Variants in PLVAP observed in about 807,000 individuals in gnomAD.
PLVAP encodes plasmalemma vesicle-associated protein.
PLVAP carries 34 observed loss-of-function variants against 43.1 expected under a neutral mutation model. The observed-to-expected ratio is 0.79, with a 90% CI of 0.60 to 1.05. PLVAP has a LOEUF of 1.05. Among genes scored for constraint, PLVAP ranks in the 50% least tolerant of loss-of-function variants. The pLI, the probability that PLVAP is intolerant of heterozygous loss-of-function variation, is 0.00. For missense variants in PLVAP, 574 were observed against 593.4 expected (o/e 0.97, Z 0.34); for synonymous variants, 241 against 237.3 (o/e 1.02, Z -0.14).
chr19:17,365,984 G>T lies in PLVAP; in HGVS notation c.481C>A (p.Leu161Met), dbSNP rs1195334907. The change falls in exon 3 of 6, where the codon CTG becomes ATG. Residue 161 changes from leucine to methionine, a missense_variant. Transcript: ENST00000252590. ...TCCAGCGTCTTCACCTTCTGATTCA[G>T]CATGAAGAGCAAGGCTAAGGAAAAC... ...NKSCDALLFM[L>M]NQKVKTLEVE... 1.2e-6 allele frequency: 2 copies of T among 1,613,158 alleles called. No homozygotes were observed. The highest frequency in any genetic ancestry group is 1.7e-6 in the Non-Finnish European group (2 of 1,179,252).
intron 1 of PLVAP, among the ~76,000 whole-genome samples, chr19:17,371,335 T>C (rs2074571326): frequency 6.6e-6 from 1 of 151,240 alleles, no homozygotes; most frequent in Admixed American, 6.6e-5. Context: ...CTAATTTTTG[T>C]ATTTTAGTAG....
intron 3 of PLVAP, 25 bp downstream of exon 3, chr19:17,365,261 C>T (rs1292812290): frequency 1.9e-6 from 3 of 1,583,582 alleles, no homozygotes; most frequent in Non-Finnish European, 2.6e-6. Context: ...CCACTGCAGC[C>T]TCCCTCTGGG....
intron 1 of PLVAP, among the ~76,000 whole-genome samples, chr19:17,372,912 A>G (rs8113455): frequency 0.13 from 19,884 of 150,238 alleles, 1,462 homozygotes; most frequent in African/African-American, 0.2. Context: ...AATACAAAAA[A>G]AAAATTAGCA....
Position 17,355,004 on chromosome 19 carries a change from C to G in PLVAP, c.1323-2636G>C, listed in dbSNP as rs1415015414. On this transcript the variant is annotated intron_variant, in intron 5 of 5. Transcript: ENST00000252590. ...TAGGAGGCTGAGGCGGGCAGATCACCTGAGATCAGGAGTTCAAGACCAGCC... is the reference window on the plus strand; with the variant it reads ...TAGGAGGCTGAGGCGGGCAGATCACGTGAGATCAGGAGTTCAAGACCAGCC... 4.0e-5 allele frequency among the ~76,000 whole-genome samples: 6 copies of G among 151,556 alleles called. No homozygotes were observed. In the East Asian group the frequency reaches 1.2e-3, roughly 29 times the overall value.
At chr19:17,366,301 A>C in intron 1 of PLVAP, 106 bp from the exon 2 acceptor site, 1 of 1,012,058 alleles carries the variant, frequency 9.9e-7, no homozygotes, top group Non-Finnish European at 1.5e-6. Flanking sequence ...AGCTGAGTTC[A>C]CAAGGGCATG....
chr19:17,352,139 G>A lies in PLVAP; in HGVS notation c.*223C>T, dbSNP rs2074488335. On this transcript the variant is annotated 3_prime_UTR_variant, in exon 6 of 6. Coordinates refer to ENST00000252590, the MANE Select transcript of PLVAP (RefSeq NM_031310.3). ...ATGTGACGTCAGCGCCGTTGCTTGC[G>A]TGACGTCATCTCCGCGGCCGTGTGC... 2 of 599,874 alleles carry A rather than the reference G, an allele frequency of 3.3e-6. No individual in the cohort carries two copies. Among genetic ancestry groups the A allele is most frequent in the Admixed American group, 2.8e-5 (1 of 36,152 alleles). 37.2% of individuals were successfully genotyped at this position (599,874 alleles called of 1,614,324 possible).
chr19:17,366,261 C>T, intron 1 of PLVAP, 66 bp from the exon 2 acceptor site: 1 of 1,522,028 alleles, frequency 6.6e-7, no homozygotes, highest in Non-Finnish European at 9.1e-7. Context: ...ACTGCCTGGA[C>T]CCAGATCGAG....
chr19:17,377,303 C>A lies in PLVAP; in HGVS notation c.-15G>T. On this transcript the variant is annotated 5_prime_UTR_variant, in exon 1 of 6. Transcript: ENST00000252590. ...GCCAGACCCATTTGCTCGATCCCGC[C>A]GTCCGGTGCACCGTCCCTGCTCACC... is the stretch of plus-strand genomic sequence containing the variant. 3 of 1,594,528 alleles carry A rather than the reference C, an allele frequency of 1.9e-6. No individual in the cohort carries two copies. Among genetic ancestry groups the A allele is most frequent in the East Asian group, 4.5e-5 (2 of 44,816 alleles).
chr19:17,371,159 T>TTTA (rs985987114), intron 1 of PLVAP, among the ~76,000 whole-genome samples: 4 of 151,518 alleles, frequency 2.6e-5, no homozygotes, highest in Admixed American at 1.3e-4. Context: ...TTAAAAATTA[T>TTTA]TTATTATTAT....
chr19:17,360,447 G>T, intron 5 of PLVAP, 81 bp downstream of exon 5: 2 of 1,428,032 alleles, frequency 1.4e-6, no homozygotes, highest in Non-Finnish European at 2.0e-6. Context: ...TGTGAGATCA[G>T]CCTCCCTCCA....
rs377613020 is a variant in PLVAP at position 17,373,012 on chromosome 19, G to C, written c.369+3908C>G. ...ACCCAGGAGGCAGAGGTTGCAGTGA[G>C]TGGATACCGCGCCATTGCACCCCAG... On this transcript the variant is annotated intron_variant, in intron 1 of 5. Transcript: ENST00000252590. 3.8e-4 allele frequency among the ~76,000 whole-genome samples: 53 copies of C among 140,866 alleles called. No individual in the cohort carries two copies. The East Asian group carries it at 5.9e-3, about 16-fold the overall frequency. The allele number at this position is 140,866 out of a possible 152,430, so 92.4% of individuals were successfully genotyped here.
chr19:17,363,786 AG>A (rs1277604048), intron 3 of PLVAP, among the ~76,000 whole-genome samples: 1 of 139,518 alleles, frequency 7.2e-6, no homozygotes, highest in Non-Finnish European at 1.5e-5. Context: ...TCTGTCACCC[AG>A]GCTGGAGTGC....
At chr19:17,362,664 A>G (rs1321249347) in intron 3 of PLVAP, 1 of 152,284 alleles carries the variant, frequency 6.6e-6, no homozygotes, top group Non-Finnish European at 1.5e-5. Flanking sequence ...TCAGTCCCGA[A>G]GCAACTGAGA....
chr19:17,362,583 C>G (rs1399877492), intron 3 of PLVAP: 1 of 152,302 alleles, frequency 6.6e-6, no homozygotes, highest in African/African-American at 2.4e-5. Context: ...TGGCTGCAAC[C>G]TCTAAGCATC....
chr19:17,353,994 T>C (rs2074496155), intron 5 of PLVAP, among the ~76,000 whole-genome samples: 1 of 152,136 alleles, frequency 6.6e-6, no homozygotes, highest in Non-Finnish European at 1.5e-5. Flanking sequence ...TGGACTCCCA[T>C]CTTAAGCCCA....
chr19:17,362,973 G>T (rs1013014326), intron 3 of PLVAP, among the ~76,000 whole-genome samples: 2 of 151,938 alleles, frequency 1.3e-5, no homozygotes, highest in African/African-American at 4.8e-5. Context: ...TCAAATACAG[G>T]ATTTTAACTC....
chr19:17,374,613 T>A (rs956746869), intron 1 of PLVAP, among the ~76,000 whole-genome samples: 1 of 151,950 alleles, frequency 6.6e-6, no homozygotes, highest in Non-Finnish European at 1.5e-5. Flanking sequence ...GAACTTTTAT[T>A]CAGTCCATCC....
At chr19:17,374,076 C>T (rs779803229) in intron 1 of PLVAP, among the ~76,000 whole-genome samples, 1 of 152,102 alleles carries the variant, frequency 6.6e-6, no homozygotes, top group Non-Finnish European at 1.5e-5. Flanking sequence ...GCAACAGAAT[C>T]GCTTGAGCCT....
intron 5 of PLVAP, among the ~76,000 whole-genome samples, chr19:17,353,431 G>T (rs1281089052): frequency 2.0e-5 from 3 of 152,122 alleles, no homozygotes; most frequent in Non-Finnish European, 2.9e-5. Context: ...GTCTGCTCAG[G>T]TCCTCACAGC....
Sources: gnomAD v4.1 joint callset for allele counts (sites outside exome capture counted in the v4.1 genomes callset) on GRCh38, gnomAD v4.1.1 for gene constraint, MANE v1.5 for transcripts, NCBI Gene and HGNC (gene_info 2026-07-23, HGNC 2026-07-21) for gene names.